Variants in ANKRD36B observed in about 807,000 individuals in gnomAD.
ANKRD36B encodes the protein ankyrin repeat domain 36B.
ANKRD36B carries 37 observed loss-of-function variants against 135.7 expected under a neutral mutation model. The observed-to-expected ratio is 0.27, with a 90% CI of 0.21 to 0.36. The LOEUF (loss-of-function observed/expected upper bound fraction) is 0.36. ANKRD36B is among the 10% of genes least tolerant of loss of function. The pLI is 1.00. For missense variants in ANKRD36B, 549 were observed against 1,037.1 expected (o/e 0.53, Z 6.46); for synonymous variants, 179 against 348.1 (o/e 0.51, Z 5.41).
rs2079016949 is a variant in ANKRD36B at position 97,538,867 on chromosome 2, C to G, written c.1988-504G>C. Among the ~76,000 whole-genome samples the G allele has an allele frequency of 2.1e-5, 2 of 96,386 alleles. 1 individual carries two copies. Among genetic ancestry groups the G allele is most frequent in the East Asian group, 4.6e-4 (2 of 4,320 alleles). The allele number at this position is 96,386 out of a possible 152,430, so 63.2% of individuals were successfully genotyped here. A position where few individuals can be genotyped will look rare whatever the true frequency, so the allele number is the denominator to read the frequency against. ...TAATAGAATGTACACTTCACAAGTC[C>G]TCAGTGGAAGTGTCGCAGCTTCATC... On this transcript the variant is annotated intron_variant, in intron 30 of 43. Transcript: ENST00000359901.
chr2:97,558,880 G>A lies in ANKRD36B; in HGVS notation c.895-9C>T, dbSNP rs777406254. On this transcript the variant is annotated splice_polypyrimidine_tract_variant and intron_variant, in intron 9 of 43. Coordinates refer to ENST00000359901, the MANE Select transcript of ANKRD36B (RefSeq NM_001393939.1). ...TTCTCGTCACTTGTAGCCTGAATGGGATTTGAAACAAAATAATCAATATGT... is the reference window on the plus strand; with the variant it reads ...TTCTCGTCACTTGTAGCCTGAATGGAATTTGAAACAAAATAATCAATATGT... The A allele has an allele frequency of 1.2e-6, 2 of 1,610,554 alleles. No individual in the cohort carries two copies. Among genetic ancestry groups the A allele is most frequent in the Non-Finnish European group, 8.5e-7 (1 of 1,178,794 alleles).
At position 97,531,501 on chromosome 2, in the gene ANKRD36B, AC is replaced by A. The variant is rs1406820736; in HGVS notation, c.2265+809del. 2.2e-5 allele frequency among the ~76,000 whole-genome samples: 2 copies of A among 92,274 alleles called. 1 individual carries two copies. The highest frequency in any genetic ancestry group is 5.7e-5 in the Non-Finnish European group (2 of 35,102). The allele number at this position is 92,274 out of a possible 152,430, so 60.5% of individuals were successfully genotyped here. A position where few individuals can be genotyped will look rare whatever the true frequency, so the allele number is the denominator to read the frequency against. ...CAGCGTACCAGCATGGCACATATATACATATGTAACTAACCTGCACATTGTG... is the reference window on the plus strand; with the variant it reads ...CAGCGTACCAGCATGGCACATATATAATATGTAACTAACCTGCACATTGTG... On this transcript the variant is annotated intron_variant, in intron 35 of 43. Coordinates refer to ENST00000359901, the MANE Select transcript of ANKRD36B (RefSeq NM_001393939.1).
Position 97,551,454 on chromosome 2 carries a change from T to G in ANKRD36B, c.1300A>C (p.Lys434Gln), listed in dbSNP as rs779524384. The change falls in exon 17 of 44, where the codon AAG (lysine) becomes CAG (glutamine). Residue 434 changes from lysine (K) to glutamine (Q), a missense_variant and splice_region_variant. Transcript: ENST00000359901. The part of the protein sequence containing the change: ...TVSSQKKPAL[K>Q]ATSDEKDSFS... Reference sequence around the variant, plus strand: ...AATATAAATGAGAGTTTCATTACCTTCAAGGCTGGTTTTTTCTGAGAAGAC... The same window carrying G: ...AATATAAATGAGAGTTTCATTACCTGCAAGGCTGGTTTTTTCTGAGAAGAC... The G allele has an allele frequency of 1.9e-6, 3 of 1,607,134 alleles. No homozygotes were observed. The highest frequency in any genetic ancestry group is 2.5e-6 in the Non-Finnish European group (3 of 1,178,764).
Position 97,536,215 on chromosome 2 carries a change from A to T in ANKRD36B, c.2191+85T>A. The stretch of plus-strand genomic sequence containing the variant: ...TCCTGAAATAAAATATAAAAAGTGA[A>T]ATAATTGAGAATAGAAAGACTATGA... On this transcript the variant is annotated intron_variant, in intron 34 of 43. Coordinates refer to ENST00000359901, the MANE Select transcript of ANKRD36B (RefSeq NM_001393939.1). 3.9e-6 allele frequency: 2 copies of T among 517,594 alleles called. 1 individual carries two copies. Among genetic ancestry groups the T allele is most frequent in the Middle Eastern group, 9.0e-4 (2 of 2,222 alleles). 32.1% of individuals were successfully genotyped at this position (517,594 alleles called of 1,614,324 possible).
At position 97,539,492 on chromosome 2, in the gene ANKRD36B, A is replaced by C. The variant is rs1342931787; in HGVS notation, c.1987+542T>G. Among the ~76,000 whole-genome samples, 47 of 96,536 alleles carry C rather than the reference A, an allele frequency of 4.9e-4. 16 individuals are homozygous for C. Among genetic ancestry groups the C allele is most frequent in the African/African-American group, 1.4e-3 (45 of 32,216 alleles). 63.3% of individuals were successfully genotyped at this position (96,536 alleles called of 152,430 possible). ...CTTTTAGGAAAATATTCGAATATGCATCTGAACACAAGTTTCCTCAGAAGA... is the reference window on the plus strand; with the variant it reads ...CTTTTAGGAAAATATTCGAATATGCCTCTGAACACAAGTTTCCTCAGAAGA... On this transcript the variant is annotated intron_variant, in intron 30 of 43. Transcript: ENST00000359901.
intron 6 of ANKRD36B, among the ~76,000 whole-genome samples, chr2:97,570,595 GACTCATACTGGTAGAC>G (rs770692428): frequency 1.3e-5 from 2 of 152,116 alleles, no homozygotes; most frequent in Non-Finnish European, 2.9e-5. Flanking sequence ...TCTCTAGTCA[GACTCATACTGGTAGAC>G]AATATTGCCC....
At chr2:97,577,878 C>T (rs1465555610) in intron 5 of ANKRD36B, among the ~76,000 whole-genome samples, 1 of 151,864 alleles carries the variant, frequency 6.6e-6, no homozygotes, top group Non-Finnish European at 1.5e-5. Flanking sequence ...TAGAAGCTTC[C>T]ACTACCTGAG....
In ANKRD36B at chr2:97,566,006, ACT is replaced by A. The variant is rs573441950; in HGVS notation, c.764-5148_764-5147del. Among the ~76,000 whole-genome samples the A allele has an allele frequency of 6.6e-3, 997 of 151,230 alleles. 5 individuals carry two copies. The highest frequency in any genetic ancestry group is 0.01 in the Middle Eastern group (3 of 294). ...AGAACAGACTGGGCAACATAGCAAG[ACT>A]CTTTATTAAAAAAAAATCATACAGG... is the stretch of plus-strand genomic sequence containing the variant. On this transcript the variant is annotated intron_variant, in intron 6 of 43. Coordinates refer to ENST00000359901, the MANE Select transcript of ANKRD36B (RefSeq NM_001393939.1).
At chr2:97,575,642 G>A (rs13004932) in intron 6 of ANKRD36B, among the ~76,000 whole-genome samples, 72,351 of 135,122 alleles carry the variant, frequency 0.54, 21,432 homozygotes, top group Non-Finnish European at 0.66. Context: ...GGTTTTCACA[G>A]GAAAAGATCC....
chr2:97,546,636 A>T (rs1330470596), intron 22 of ANKRD36B, among the ~76,000 whole-genome samples: 5 of 151,744 alleles, frequency 3.3e-5, no homozygotes, highest in Non-Finnish European at 5.9e-5. Context: ...TTCATTCAGA[A>T]ATCACTGCAA....
At chr2:97,571,241 G>A (rs963805446) in intron 6 of ANKRD36B, among the ~76,000 whole-genome samples, 31 of 152,256 alleles carry the variant, frequency 2.0e-4, no homozygotes, top group Middle Eastern at 3.4e-3. Context: ...CTACTCCAAC[G>A]GCTGAGGCAG....
At chr2:97,567,748 C>T (rs1245500592) in intron 6 of ANKRD36B, among the ~76,000 whole-genome samples, 5 of 152,090 alleles carry the variant, frequency 3.3e-5, no homozygotes, top group Non-Finnish European at 7.4e-5. Flanking sequence ...AGATGTGAAT[C>T]GTCCCTTTGT....
chr2:97,586,949 G>A (rs1037493598), intron 1 of ANKRD36B, among the ~76,000 whole-genome samples: 1 of 152,146 alleles, frequency 6.6e-6, no homozygotes, highest in Non-Finnish European at 1.5e-5. Flanking sequence ...CGAGGCGGGG[G>A]GATCACCTGA....
rs2077457248 is a variant in ANKRD36B at position 97,509,327 on chromosome 2, GA to G, written c.3873+253del. Among the ~76,000 whole-genome samples the G allele has an allele frequency of 1.3e-4, 5 of 39,046 alleles. No homozygotes were observed. In the South Asian group the frequency reaches 1.6e-3, roughly 13 times the overall value. The allele number at this position is 39,046 out of a possible 152,430, so 25.6% of individuals were successfully genotyped here. A position where few individuals can be genotyped will look rare whatever the true frequency, so the allele number is the denominator to read the frequency against. On this transcript the variant is annotated intron_variant, in intron 40 of 43. Transcript: ENST00000359901. Reference sequence around the variant, plus strand: ...AACTTTCCTAAGGTTAAATATTTAAGAAAAAAATATATGTATAAAAAATGGC... The same window carrying G: ...AACTTTCCTAAGGTTAAATATTTAAGAAAAAATATATGTATAAAAAATGGC...
At chr2:97,561,472 T>G (rs1417712498) in intron 6 of ANKRD36B, among the ~76,000 whole-genome samples, 1 of 151,940 alleles carries the variant, frequency 6.6e-6, no homozygotes, top group East Asian at 1.9e-4. Context: ...CTACATCTCT[T>G]GTATCTTCTA....
At chr2:97,580,676 C>T (rs1222488840) in intron 3 of ANKRD36B, 108 bp from the exon 4 acceptor site, 91 of 1,031,442 alleles carry the variant, frequency 8.8e-5, no homozygotes, top group African/African-American at 5.5e-4. Context: ...ATTGAAAGGT[C>T]GTAAGAGGTA....
chr2:97,535,547 T>C (rs1166773407), intron 34 of ANKRD36B, among the ~76,000 whole-genome samples: 1 of 117,232 alleles, frequency 8.5e-6, no homozygotes, highest in Non-Finnish European at 2.2e-5. Flanking sequence ...TGGCTTAATA[T>C]AATAAGTGTA....
intron 8 of ANKRD36B, 34 bp downstream of exon 8, chr2:97,560,631 T>C (rs749246923): frequency 1.5e-5 from 24 of 1,598,012 alleles, no homozygotes; most frequent in Non-Finnish European, 1.8e-5. Flanking sequence ...CTATCTTGAT[T>C]GAACATGACA....
rs1419665409 is a variant in ANKRD36B at position 97,531,698 on chromosome 2, T to G, written c.2265+613A>C. Among the ~76,000 whole-genome samples the G allele has an allele frequency of 1.7e-4, 16 of 96,144 alleles. 6 individuals carry two copies. The highest frequency in any genetic ancestry group is 3.9e-4 in the Non-Finnish European group (14 of 36,246). The allele number at this position is 96,144 out of a possible 152,430, so 63.1% of individuals were successfully genotyped here. A position where few individuals can be genotyped will look rare whatever the true frequency, so the allele number is the denominator to read the frequency against. On this transcript the variant is annotated intron_variant, in intron 35 of 43. Transcript: ENST00000359901. ...ACTAATGACAGTGGATTTAATAAAT[T>G]TAACAATATTTAGAGATTTTCTATA...
Sources: gnomAD v4.1 joint callset for allele counts (sites outside exome capture counted in the v4.1 genomes callset) on GRCh38, gnomAD v4.1.1 for gene constraint, MANE v1.5 for transcripts, NCBI Gene and HGNC (gene_info 2026-07-23, HGNC 2026-07-21) for gene names.